Variants in KLF13 observed in about 807,000 individuals in gnomAD.
The protein encoded by KLF13 is Krueppel-like factor 13.
In KLF13, 8 loss-of-function variants were observed where a neutral mutation model predicts 16.7. That is an observed-to-expected ratio of 0.48 (90% confidence interval 0.28 to 0.87). The LOEUF (loss-of-function observed/expected upper bound fraction) is 0.87, where lower values mean the gene tolerates loss of function less well. Among genes scored for constraint, KLF13 ranks in the 40% least tolerant of loss-of-function variants. The pLI is 0.10. For synonymous variants in KLF13, 245 were observed against 208.4 expected (o/e 1.18, Z -1.51); for missense variants, 447 against 452.2 (o/e 0.99, Z 0.10).
At chr15:31,355,857 A>G (rs1469922521) in intron 1 of KLF13, among the ~76,000 whole-genome samples, 1 of 150,988 alleles carries the variant, frequency 6.6e-6, no homozygotes, top group African/African-American at 2.4e-5. Context: ...CCACACACCC[A>G]GTGTGGCCTG....
chr15:31,334,325 G>A (rs75574277), intron 1 of KLF13, among the ~76,000 whole-genome samples: 1,779 of 152,338 alleles, frequency 0.012, 46 homozygotes, highest in African/African-American at 0.04. Flanking sequence ...GAGGGCCTAC[G>A]GCGGGTGACA....
chr15:31,397,880 G>GGGGGGT (rs1555380284), intron 2 of KLF13, among the ~76,000 whole-genome samples: 47 of 146,452 alleles, frequency 3.2e-4, no homozygotes, highest in African/African-American at 1.2e-3. Context: ...GCGGCGGGGG[G>GGGGGGT]GGTGGTGATC....
chr15:31,364,046 C>T (rs983396965), intron 1 of KLF13, among the ~76,000 whole-genome samples: 9 of 152,134 alleles, frequency 5.9e-5, no homozygotes, highest in African/African-American at 9.7e-5. Flanking sequence ...CACTACCTTT[C>T]GTTCTAATTC....
intron 1 of KLF13, among the ~76,000 whole-genome samples, chr15:31,360,936 G>C (rs2039373771): frequency 6.6e-6 from 1 of 152,190 alleles, no homozygotes; most frequent in African/African-American, 2.4e-5. Flanking sequence ...CCTGGAAGAG[G>C]AGCCTGCCGA....
At chr15:31,328,745 C>G (rs952648409) in intron 1 of KLF13, among the ~76,000 whole-genome samples, 2 of 152,210 alleles carry the variant, frequency 1.3e-5, no homozygotes, top group East Asian at 3.9e-4. Flanking sequence ...TTCCCTCCCC[C>G]CTTTTTGTTT....
chr15:31,342,526 G>A (rs1042102897), intron 1 of KLF13, among the ~76,000 whole-genome samples: 3 of 152,188 alleles, frequency 2.0e-5, no homozygotes, highest in African/African-American at 2.4e-5. Context: ...CAAGTGGGGC[G>A]AGCTCATCGC....
At chr15:31,420,043 G>T in intron 1 of KLF13, 1 of 306,840 alleles carries the variant, frequency 3.3e-6, no homozygotes, top group Non-Finnish European at 6.4e-6. Context: ...TATATTCAAA[G>T]TGCTGGAAGA....
At chr15:31,340,221 G>A (rs907624309) in intron 1 of KLF13, among the ~76,000 whole-genome samples, 4 of 152,248 alleles carry the variant, frequency 2.6e-5, no homozygotes, top group African/African-American at 4.8e-5. Flanking sequence ...TGCCCTCATG[G>A]CCAACCTCAG....
At chr15:31,349,451 A>G (rs1206655981) in intron 1 of KLF13, among the ~76,000 whole-genome samples, 1 of 152,208 alleles carries the variant, frequency 6.6e-6, no homozygotes, top group Non-Finnish European at 1.5e-5. Flanking sequence ...AACAGCCACC[A>G]TGCCGAGGAC....
At chr15:31,347,927 A>G (rs563750140) in intron 1 of KLF13, among the ~76,000 whole-genome samples, 1 of 152,342 alleles carries the variant, frequency 6.6e-6, no homozygotes, top group African/African-American at 2.4e-5. Context: ...CCCTCCTAAC[A>G]CGAGGAAGAG....
intron 2 of KLF13, among the ~76,000 whole-genome samples, chr15:31,398,424 G>A (rs1277797849): frequency 6.6e-6 from 1 of 152,222 alleles, no homozygotes; most frequent in Non-Finnish European, 1.5e-5. Context: ...GCTGGGAGCA[G>A]AGCGTGGTGG....
At chr15:31,330,779 A>G (rs151283127) in intron 1 of KLF13, among the ~76,000 whole-genome samples, 66 of 152,386 alleles carry the variant, frequency 4.3e-4, no homozygotes, top group African/African-American at 1.5e-3. Context: ...GCGTAATAAC[A>G]CAAAACCAAG....
At chr15:31,368,820 T>TTAGATAGATAGATAGATAGATAGA (rs373136224) in intron 1 of KLF13, among the ~76,000 whole-genome samples, 23 of 151,834 alleles carry the variant, frequency 1.5e-4, no homozygotes, top group African/African-American at 5.1e-4. Context: ...CTATCTCAGA[T>TTAGATAGATAGATAGATAGATAGA]TAGATAGATA....
intron 1 of KLF13, among the ~76,000 whole-genome samples, chr15:31,431,360 AAAC>A (rs1276205129): frequency 6.6e-6 from 1 of 152,232 alleles, no homozygotes; most frequent in African/African-American, 2.4e-5. Flanking sequence ...TCTCAAATGG[AAAC>A]AACAGAAATG....
At chr15:31,362,365 C>T (rs548903940) in intron 1 of KLF13, among the ~76,000 whole-genome samples, 1 of 152,204 alleles carries the variant, frequency 6.6e-6, no homozygotes, top group Non-Finnish European at 1.5e-5. Flanking sequence ...TCCTACAAAG[C>T]TAGATTGGAC....
chr15:31,349,812 T>G (rs1472333510), intron 1 of KLF13, among the ~76,000 whole-genome samples: 1 of 152,042 alleles, frequency 6.6e-6, no homozygotes, highest in Non-Finnish European at 1.5e-5. Flanking sequence ...GGGGAGGGGG[T>G]TCACAGCTTC....
chr15:31,394,361 C>T (rs371623928), intron 2 of KLF13, among the ~76,000 whole-genome samples: 3 of 151,848 alleles, frequency 2.0e-5, no homozygotes, highest in Non-Finnish European at 4.4e-5. Flanking sequence ...GTGGCGGGCA[C>T]CTGTAGTCCC....
intron 2 of KLF13, among the ~76,000 whole-genome samples, chr15:31,401,008 AT>A (rs11377617): frequency 5.7e-4 from 84 of 147,746 alleles, no homozygotes; most frequent in Middle Eastern, 3.5e-3. Context: ...TAAATAAACA[AT>A]TTTTTTTTTT....
At chr15:31,431,797 A>G (rs1356926799) in intron 1 of KLF13, among the ~76,000 whole-genome samples, 1 of 152,248 alleles carries the variant, frequency 6.6e-6, no homozygotes, top group Non-Finnish European at 1.5e-5. Flanking sequence ...CTTGAGAGAA[A>G]GAAGCCAGAT....
Sources: gnomAD v4.1 joint callset for allele counts (sites outside exome capture counted in the v4.1 genomes callset) on GRCh38, gnomAD v4.1.1 for gene constraint, MANE v1.5 for transcripts, NCBI Gene and HGNC (gene_info 2026-07-23, HGNC 2026-07-21) for gene names.